The following EYS variants were observed in gnomAD, a reference collection of about 807,000 sequenced individuals.
EYS encodes EGF-like photoreceptor maintenance factor, also known as protein eyes shut homolog.
A neutral mutation model predicts 282.1 loss-of-function variants in EYS; 250 were observed. That is an observed-to-expected ratio of 0.89 (90% CI 0.80 to 0.98). EYS has a LOEUF of 0.98. EYS is among the 50% of genes least tolerant of loss of function. EYS has a pLI of 0.00. For missense variants in EYS, 4,016 were observed against 3,709.0 expected, an observed-to-expected ratio of 1.08 and a Z score of -2.15; for synonymous variants, 1,355 against 1,282.9, an observed-to-expected ratio of 1.06 and a Z score of -1.20.
rs939559130 is a variant in EYS, at chr6:64,591,854, C to T, written c.4013G>A (p.Ser1338Asn). The T allele has an allele frequency of 1.3e-6, 2 of 1,551,236 alleles. No individual in the cohort carries two copies. The change falls in exon 26 of 43, where the codon AGT becomes AAT. Residue 1338 changes from serine to asparagine, a missense_variant. Physicochemically the swap from Ser to Asn is conservative, Grantham distance 46. Transcript: ENST00000503581. The part of the protein sequence containing the change: ...IVTRELSAKH[S>N]LLSSADVSSS... ...GGAAACATCTGCGGAAGAAAGAAGACTGTGTTTTGCTGAAAGCTCTCTAGT... is the reference window on the plus strand; with the variant it reads ...GGAAACATCTGCGGAAGAAAGAAGATTGTGTTTTGCTGAAAGCTCTCTAGT...
Position 65,663,290 on chromosome 6 carries a change from T to A in EYS, c.-447-23398A>T, listed in dbSNP as rs141375641. 3.7e-3 allele frequency among the ~76,000 whole-genome samples: 562 copies of A among 152,296 alleles called. 3 individuals carry two copies. The highest frequency in any genetic ancestry group is 0.02 in the East Asian group (104 of 5,168). On this transcript the variant is annotated intron_variant, in intron 1 of 42. Coordinates refer to ENST00000503581, the MANE Select transcript of EYS (RefSeq NM_001142800.2). ...ATATGTTGCTCAGCAGAGAAACCAA[T>A]TCTAAGAGTATATGGCACAGGAGTC...
chr6:65,120,734 T>A (rs1775521739), intron 12 of EYS, among the ~76,000 whole-genome samples: 1 of 152,172 alleles, frequency 6.6e-6, no homozygotes, highest in African/African-American at 2.4e-5. Flanking sequence ...CCCATTCTTT[T>A]GCTCAATTTT....
At chr6:64,827,889 T>C (rs947091174) in intron 19 of EYS, among the ~76,000 whole-genome samples, 26 of 151,194 alleles carry the variant, frequency 1.7e-4, no homozygotes, top group African/African-American at 6.3e-4. Flanking sequence ...AATTATGAAA[T>C]GTAAAAAAAA....
chr6:64,801,610 C>T (rs145491615), intron 22 of EYS, among the ~76,000 whole-genome samples: 245 of 151,914 alleles, frequency 1.6e-3, no homozygotes, highest in African/African-American at 5.8e-3. Context: ...AGCTATTTAG[C>T]CATTATGTGT....
At chr6:63,878,704 C>A (rs1455583419) in intron 35 of EYS, among the ~76,000 whole-genome samples, 1 of 152,174 alleles carries the variant, frequency 6.6e-6, no homozygotes, top group Non-Finnish European at 1.5e-5. Flanking sequence ...CCCTTGCTGT[C>A]ACCTCGTAGT....
intron 36 of EYS, among the ~76,000 whole-genome samples, chr6:63,816,432 A>G (rs1771179960): frequency 6.6e-6 from 1 of 152,368 alleles, no homozygotes; most frequent in Non-Finnish European, 1.5e-5. Context: ...TACTGGCAAT[A>G]TAAACTAACC....
chr6:64,492,401 G>A (rs1473350597), intron 26 of EYS, among the ~76,000 whole-genome samples: 1 of 151,082 alleles, frequency 6.6e-6, no homozygotes, highest in Non-Finnish European at 1.5e-5. Context: ...TTTTGACACA[G>A]ATTAAAATAT....
chr6:64,781,491 G>A (rs1773858876), intron 22 of EYS, among the ~76,000 whole-genome samples: 1 of 151,370 alleles, frequency 6.6e-6, no homozygotes, highest in African/African-American at 2.4e-5. Flanking sequence ...GCAGGAGAAC[G>A]GCGTGAACCC....
At chr6:65,332,465 TA>T in intron 11 of EYS, 2 of 1,343,372 alleles carry the variant, frequency 1.5e-6, no homozygotes, top group African/African-American at 2.9e-5. Flanking sequence ...ACTTAAGGCC[TA>T]ATATTTAAGT....
At chr6:64,201,226 T>G (rs1765453127) in intron 31 of EYS, among the ~76,000 whole-genome samples, 1 of 152,154 alleles carries the variant, frequency 6.6e-6, no homozygotes, top group Non-Finnish European at 1.5e-5. Flanking sequence ...ACATCATTTT[T>G]TTTGTTTCCT....
chr6:64,077,858 C>G (rs945985719), intron 32 of EYS, among the ~76,000 whole-genome samples: 1 of 152,002 alleles, frequency 6.6e-6, no homozygotes, highest in Non-Finnish European at 1.5e-5. Flanking sequence ...GCTCCTTTGA[C>G]TAGGTTCCAG....
At chr6:64,489,717 T>C (rs1481848262) in intron 26 of EYS, among the ~76,000 whole-genome samples, 6 of 150,534 alleles carry the variant, frequency 4.0e-5, no homozygotes, top group African/African-American at 1.5e-4. Flanking sequence ...TTAGATAAAT[T>C]GAAATTCTGA....
chr6:65,386,422 AGG>A (rs1765807217), intron 7 of EYS, among the ~76,000 whole-genome samples: 1 of 151,740 alleles, frequency 6.6e-6, no homozygotes, highest in African/African-American at 2.4e-5. Flanking sequence ...TTTTTCAAAA[AGG>A]GAAAACTTTC....
intron 26 of EYS, among the ~76,000 whole-genome samples, chr6:64,574,244 G>A (rs937115559): frequency 1.3e-5 from 2 of 152,072 alleles, no homozygotes; most frequent in African/African-American, 4.8e-5. Context: ...CAGGGACACA[G>A]GGAGACGAAC....
chr6:65,706,155 T>C (rs1232594791), intron 1 of EYS, among the ~76,000 whole-genome samples: 6 of 151,638 alleles, frequency 4.0e-5, no homozygotes, highest in African/African-American at 1.2e-4. Context: ...GAATGATTGA[T>C]AGACATATAC....
intron 29 of EYS, among the ~76,000 whole-genome samples, chr6:64,355,831 G>A (rs891507459): frequency 6.6e-6 from 1 of 151,628 alleles, no homozygotes; most frequent in Non-Finnish European, 1.5e-5. Flanking sequence ...AGTGGCAAGT[G>A]CCACAGGAGA....
At chr6:64,555,491 T>C (rs1175863193) in intron 26 of EYS, among the ~76,000 whole-genome samples, 1 of 151,884 alleles carries the variant, frequency 6.6e-6, no homozygotes, top group Non-Finnish European at 1.5e-5. Context: ...AGAGATTATT[T>C]TGAGTGTTAT....
At chr6:65,054,800 A>T (rs991546438) in intron 13 of EYS, among the ~76,000 whole-genome samples, 29 of 152,212 alleles carry the variant, frequency 1.9e-4, no homozygotes, top group African/African-American at 7.0e-4. Context: ...CTAAGGCACT[A>T]CCATTAACTG....
intron 31 of EYS, among the ~76,000 whole-genome samples, chr6:64,142,148 A>G (rs982189952): frequency 6.6e-6 from 1 of 152,112 alleles, no homozygotes; most frequent in Non-Finnish European, 1.5e-5. Flanking sequence ...ATTGAGTACC[A>G]TGGAGGGATC....
Sources: gnomAD v4.1 joint callset for allele counts (sites outside exome capture counted in the v4.1 genomes callset) on GRCh38, gnomAD v4.1.1 for gene constraint, MANE v1.5 for transcripts, NCBI Gene and HGNC (gene_info 2026-07-23, HGNC 2026-07-21) for gene names.